The following NGLY1 variants were observed in gnomAD, a reference collection of about 807,000 sequenced individuals.
NGLY1 encodes the protein peptide-N(4)-(N-acetyl-beta-glucosaminyl)asparagine amidase.
Under a neutral mutation model 84.6 loss-of-function variants are expected in NGLY1, and 68 were observed. The ratio of observed to expected loss-of-function variants is 0.80; its 90% CI spans 0.66 to 0.98. NGLY1 has a LOEUF of 0.98. Ranked by LOEUF, NGLY1 falls within the 50% of genes least tolerant of loss-of-function variation. The pLI, the probability that NGLY1 is intolerant of heterozygous loss-of-function variation, is 0.00. For missense variants in NGLY1, 779 were observed against 770.2 expected (o/e 1.01, Z -0.14); for synonymous variants, 280 against 275.2 (o/e 1.02, Z -0.17).
In NGLY1 at chr3:25,735,943, G is replaced by A. The variant is rs1705792441; in HGVS notation, c.1149+61C>T. The A allele has an allele frequency of 3.6e-6, 5 of 1,375,078 alleles. No individual in the cohort carries two copies. In the East Asian group the frequency reaches 9.9e-5, roughly 27 times the overall value. The allele number at this position is 1,375,078 out of a possible 1,614,324, so 85.2% of individuals were successfully genotyped here. ...ATGTTAATTATACATTCATGAAGCT[G>A]TCATAAAAGAAAAAAATATATTTTA... On this transcript the variant is annotated intron_variant, in intron 7 of 11. Coordinates refer to ENST00000280700, the MANE Select transcript of NGLY1 (RefSeq NM_018297.4).
At chr3:25,773,646 T>C (rs544574663) in intron 2 of NGLY1, among the ~76,000 whole-genome samples, 1 of 152,338 alleles carries the variant, frequency 6.6e-6, no homozygotes, top group East Asian at 1.9e-4. Context: ...TTTGGATCCA[T>C]TGCTACTATG....
At chr3:25,757,140 C>G (rs1559547809) in intron 3 of NGLY1, among the ~76,000 whole-genome samples, 1 of 152,100 alleles carries the variant, frequency 6.6e-6, no homozygotes, top group African/African-American at 2.4e-5. Flanking sequence ...GAAGAAATGT[C>G]TCAAATGTCT....
upstream of NGLY1, among the ~76,000 whole-genome samples, chr3:25,785,660 C>T (rs1708587222): frequency 8.8e-6 from 1 of 113,836 alleles, no homozygotes; most frequent in Admixed American, 1.0e-4. Flanking sequence ...ATGGCAAGAC[C>T]CCATCTCTAC....
At chr3:25,722,272 C>CATATATATATAT (rs1308204639) in intron 10 of NGLY1, among the ~76,000 whole-genome samples, 106 of 67,290 alleles carry the variant, frequency 1.6e-3, no homozygotes, top group African/African-American at 2.8e-3. Flanking sequence ...TCTGTATACA[C>CATATATATATAT]ACATATATAT....
intron 2 of NGLY1, among the ~76,000 whole-genome samples, chr3:25,771,834 C>T (rs1052421522): frequency 3.9e-5 from 6 of 151,976 alleles, no homozygotes; most frequent in African/African-American, 9.7e-5. Flanking sequence ...TCAGCTTGGT[C>T]GCTGTTGGTG....
At chr3:25,765,190 T>C (rs1707499903) in intron 2 of NGLY1, among the ~76,000 whole-genome samples, 1 of 152,226 alleles carries the variant, frequency 6.6e-6, no homozygotes, top group Non-Finnish European at 1.5e-5. Flanking sequence ...CTGGGCATGG[T>C]GGCTCACGCC....
At chr3:25,729,027 A>G (rs1274074194) in intron 10 of NGLY1, 106 bp downstream of exon 10, 1 of 697,594 alleles carries the variant, frequency 1.4e-6, no homozygotes, top group East Asian at 3.1e-5. Context: ...ACTGAAAATA[A>G]GTTTGATATA....
chr3:25,749,991 G>T, intron 4 of NGLY1: 1 of 567,684 alleles, frequency 1.8e-6, no homozygotes, highest in Non-Finnish European at 3.1e-6. Context: ...TTACAACCTA[G>T]ATGTACCAGT....
intron 3 of NGLY1, among the ~76,000 whole-genome samples, chr3:25,754,006 G>A (rs1706897187): frequency 6.6e-6 from 1 of 152,114 alleles, no homozygotes; most frequent in Non-Finnish European, 1.5e-5. Context: ...AATAATGACA[G>A]ACCCACCACA....
chr3:25,749,692 C>T, intron 4 of NGLY1: 1 of 1,581,988 alleles, frequency 6.3e-7, no homozygotes, highest in South Asian at 1.1e-5. Flanking sequence ...AAACAAAGCA[C>T]ATGCTGCCCA....
chr3:25,735,318 C>T (rs1705761673), intron 7 of NGLY1: 1 of 151,782 alleles, frequency 6.6e-6, no homozygotes, highest in South Asian at 2.1e-4. Context: ...TGATAATGGA[C>T]TTATATAAGA....
At chr3:25,722,676 T>C (rs187500988) in intron 10 of NGLY1, among the ~76,000 whole-genome samples, 130 of 152,320 alleles carry the variant, frequency 8.5e-4, no homozygotes, top group Non-Finnish European at 1.7e-3. Context: ...GAACTGTCAA[T>C]TGCTCCACTC....
chr3:25,749,626 T>G, intron 4 of NGLY1: 1 of 1,465,084 alleles, frequency 6.8e-7, no homozygotes, highest in Non-Finnish European at 9.5e-7. Context: ...ACAGGGTTCA[T>G]AGAAGGTTCA....
chr3:25,766,554 T>G (rs972310997), intron 2 of NGLY1, among the ~76,000 whole-genome samples: 4 of 152,168 alleles, frequency 2.6e-5, no homozygotes, highest in Non-Finnish European at 5.9e-5. Flanking sequence ...CGGAGAACAT[T>G]TGTACAACTG....
At chr3:25,729,009 A>T in intron 10 of NGLY1, 124 bp downstream of exon 10, 1 of 573,128 alleles carries the variant, frequency 1.7e-6, no homozygotes, top group African/African-American at 1.9e-5. Flanking sequence ...TTTCCAGGTT[A>T]TAGGATTACT....
At position 25,736,137 on chromosome 3, in the gene NGLY1, G is replaced by A; in HGVS notation, c.1016C>T (p.Thr339Ile). The stretch of plus-strand genomic sequence containing the variant: ...CTGCTGAGAAGGAGAATAGACTTCT[G>A]TCCAGACATGGTCTACTCAAGTAAG... ...YVWDYTDHVW[T>I]EVYSPSQQRW... is the part of the protein sequence containing the mutation. Residue 339 changes from threonine to isoleucine, a missense_variant, in exon 7 of 12, where the codon ACA (threonine) becomes ATA (isoleucine). Coordinates refer to ENST00000280700, the MANE Select transcript of NGLY1 (RefSeq NM_018297.4). 6.2e-7 allele frequency: 1 copy of A among 1,612,824 alleles called. No individual in the cohort carries two copies. Among genetic ancestry groups the A allele is most frequent in the Non-Finnish European group, 8.5e-7 (1 of 1,179,586 alleles).
chr3:25,719,770 A>G, intron 11 of NGLY1, 135 bp from the exon 12 acceptor site: 1 of 730,654 alleles, frequency 1.4e-6, no homozygotes, highest in East Asian at 2.8e-5. Flanking sequence ...ATTATTCTTT[A>G]TGGAAGAAAT....
At position 25,732,501 on chromosome 3, in the gene NGLY1, T is replaced by A; in HGVS notation, c.1261-18A>T. The A allele has an allele frequency of 6.2e-7, 1 of 1,604,596 alleles. No homozygotes were observed. Among genetic ancestry groups the A allele is most frequent in the East Asian group, 2.2e-5 (1 of 44,798 alleles). On this transcript the variant is annotated intron_variant, in intron 8 of 11. Coordinates refer to ENST00000280700, the MANE Select transcript of NGLY1 (RefSeq NM_018297.4). ...AGTTGCCTCTGTAATTCATGTTTTT[T>A]AAAAAAGTTGTTAAGATTAGGGGAA...
At chr3:25,730,858 TGA>T (rs1258042970) in intron 9 of NGLY1, among the ~76,000 whole-genome samples, 5 of 152,112 alleles carry the variant, frequency 3.3e-5, no homozygotes, top group Non-Finnish European at 7.4e-5. Flanking sequence ...GATATTGTGA[TGA>T]GTTATTTTTC....
Sources: gnomAD v4.1 joint callset for allele counts (sites outside exome capture counted in the v4.1 genomes callset) on GRCh38, gnomAD v4.1.1 for gene constraint, MANE v1.5 for transcripts, NCBI Gene and HGNC (gene_info 2026-07-23, HGNC 2026-07-21) for gene names.